The following INO80B variants were observed in gnomAD, a reference collection of about 807,000 sequenced individuals.
The protein encoded by INO80B is IES2 homolog.
A neutral mutation model predicts 31.4 loss-of-function variants in INO80B; 18 were observed. That is an observed-to-expected ratio of 0.57 (90% confidence interval 0.40 to 0.85). The LOEUF (loss-of-function observed/expected upper bound fraction) is 0.85. INO80B is among the 40% of genes least tolerant of loss of function. INO80B has a pLI of 0.00. For missense variants in INO80B, 469 were observed against 475.4 expected, an observed-to-expected ratio of 0.99 and a Z score of 0.13; for synonymous variants, 238 against 199.0, an observed-to-expected ratio of 1.20 and a Z score of -1.65.
intron 4 of INO80B, 64 bp downstream of exon 4, chr2:74,456,336 C>T (rs1671699533): frequency 6.4e-7 from 1 of 1,561,700 alleles, no homozygotes; most frequent in Non-Finnish European, 8.8e-7. Flanking sequence ...CTCCACGACC[C>T]ACGCACTTTG....
At chr2:74,455,381 C>G in intron 1 of INO80B, 25 bp from the exon 2 acceptor site, 1 of 1,614,070 alleles carries the variant, frequency 6.2e-7, no homozygotes, top group Non-Finnish European at 8.5e-7. Context: ...CGGCCAAACA[C>G]TGTCGACAGG....
Position 74,457,685 on chromosome 2 carries a change from C to T in INO80B, c.892C>T (p.Gln298Ter). The stretch of plus-strand genomic sequence containing the variant: ...CGTCCCCGCCCCCACGGCAGTGTCT[C>T]AGCGGCCATCCCCCTCAGGCCCGCC... ...PGVPAPTAVS[Q>*]RPSPSGPPPR... is the part of the protein sequence containing the mutation. The change falls in exon 5 of 5, where the codon CAG (glutamine) becomes TAG (stop). Residue 298 changes from glutamine to a stop codon, truncating the protein, a stop_gained. Transcript: ENST00000233331. LOFTEE classifies it high-confidence loss of function. 1 of 1,599,746 alleles carries T rather than the reference C, an allele frequency of 6.3e-7. No individual in the cohort carries two copies. Among genetic ancestry groups the T allele is most frequent in the Non-Finnish European group, 8.5e-7 (1 of 1,178,894 alleles).
chr2:74,457,279 C>T (rs1221514294), intron 4 of INO80B, 55 bp from the exon 5 acceptor site: 7 of 1,543,284 alleles, frequency 4.5e-6, no homozygotes, highest in African/African-American at 2.8e-5. Context: ...TGGCCGACCT[C>T]GCCTCTCCAT....
rs1215346013 is a variant in INO80B, at chr2:74,456,163, A to T, written c.431A>T (p.Gln144Leu). 1 of 1,613,154 alleles carries T rather than the reference A, an allele frequency of 6.2e-7. No individual in the cohort carries two copies. The highest frequency in any genetic ancestry group is 8.5e-7 in the Non-Finnish European group (1 of 1,179,428). ...GACCTATCAGGAGGGTTAGGGGGTC[A>T]GGAGGAAGAGGAGGAACAGAGGTGG... ...LRDLSGGLGGQEEEEEQRWLD... is the reference protein window; with the variant it reads ...LRDLSGGLGGLEEEEEQRWLD... Residue 144 changes from glutamine to leucine, a missense_variant, in exon 4 of 5, where the codon CAG (glutamine) becomes CTG (leucine). Gln to Leu is a moderately radical substitution (Grantham distance 113). Coordinates refer to ENST00000233331, the MANE Select transcript of INO80B (RefSeq NM_031288.4).
intron 1 of INO80B, 97 bp from the exon 2 acceptor site, chr2:74,455,309 A>G: frequency 1.3e-6 from 2 of 1,539,430 alleles, no homozygotes; most frequent in East Asian, 2.2e-5. Context: ...AACAGCGAGT[A>G]CTGCGGGAAG....
In INO80B at chr2:74,456,211, A is replaced by T. The variant is rs1671693282; in HGVS notation, c.479A>T (p.Glu160Val). Residue 160 changes from glutamate (E) to valine (V), a missense_variant, in exon 4 of 5, where the codon GAG becomes GTG. Glu to Val is a moderately radical substitution (Grantham distance 121). Around this residue, in one of 3 missense-constraint regions of INO80B, gnomAD observed 223 missense variants for 253.4 expected, o/e 0.88. Transcript: ENST00000233331. ...TGGCTGGATGCCCTGGAGAAGGGGGAGCTGGATGACAATGGAGACCTCAAG... is the reference window on the plus strand; with the variant it reads ...TGGCTGGATGCCCTGGAGAAGGGGGTGCTGGATGACAATGGAGACCTCAAG... Reference protein sequence around the residue: ...QRWLDALEKGELDDNGDLKKE... With the variant: ...QRWLDALEKGVLDDNGDLKKE... 6.8e-6 allele frequency: 11 copies of T among 1,613,826 alleles called. No homozygotes were observed. Among genetic ancestry groups the T allele is most frequent in the Non-Finnish European group, 9.3e-6 (11 of 1,179,982 alleles).
chr2:74,455,310 C>T, intron 1 of INO80B, 96 bp from the exon 2 acceptor site: 4 of 1,545,712 alleles, frequency 2.6e-6, no homozygotes, highest in Middle Eastern at 3.4e-4. Context: ...ACAGCGAGTA[C>T]TGCGGGAAGG....
At chr2:74,456,342 C>T (rs757974975) in intron 4 of INO80B, 70 bp downstream of exon 4, 1 of 1,494,572 alleles carries the variant, frequency 6.7e-7, no homozygotes. Flanking sequence ...GACCCACGCA[C>T]TTTGCGTGGC....
Position 74,457,318 on chromosome 2 carries a change from C to A in INO80B, c.541-16C>A. ...CCTCCATTTTCAGACAGCACCCCGT[C>A]TCTGTCTCTCCCTAGCGAGCTCTGC... On this transcript the variant is annotated splice_polypyrimidine_tract_variant and intron_variant, in intron 4 of 4. Coordinates refer to ENST00000233331, the MANE Select transcript of INO80B (RefSeq NM_031288.4). 1 of 1,598,660 alleles carries A rather than the reference C, an allele frequency of 6.3e-7. No homozygotes were observed. Among genetic ancestry groups the A allele is most frequent in the Non-Finnish European group, 8.5e-7 (1 of 1,173,420 alleles).
rs1389291789 is a variant in INO80B at position 74,457,560 on chromosome 2, G to A, written c.767G>A (p.Gly256Asp). Reference protein sequence around the residue: ...AATSGRGGRGGARGERRGGRA... With the variant: ...AATSGRGGRGDARGERRGGRA... The stretch of plus-strand genomic sequence containing the variant: ...ACCAGTGGGCGGGGAGGCCGGGGGG[G>A]CGCACGGGGCGAGCGGCGGGGAGGG... The change falls in exon 5 of 5, where the codon GGC becomes GAC. Residue 256 changes from glycine to aspartate, a missense_variant. Coordinates refer to ENST00000233331, the MANE Select transcript of INO80B (RefSeq NM_031288.4). The A allele has an allele frequency of 1.3e-6, 2 of 1,516,826 alleles. No homozygotes were observed. Among genetic ancestry groups the A allele is most frequent in the Non-Finnish European group, 1.8e-6 (2 of 1,136,816 alleles). 94.0% of individuals were successfully genotyped at this position (1,516,826 alleles called of 1,614,324 possible).
rs1460064631 is a variant in INO80B, at chr2:74,455,095, T to A, written c.-22T>A. Reference sequence around the variant, plus strand: ...CTGCGTGTGTCCCAACCATTTCTAGTCCCCTTTCCTCGCAGGACCTCATGA... The same window carrying A: ...CTGCGTGTGTCCCAACCATTTCTAGACCCCTTTCCTCGCAGGACCTCATGA... On this transcript the variant is annotated 5_prime_UTR_variant, in exon 1 of 5. Coordinates refer to ENST00000233331, the MANE Select transcript of INO80B (RefSeq NM_031288.4). 1.2e-6 allele frequency: 2 copies of A among 1,613,698 alleles called. No individual in the cohort carries two copies. The highest frequency in any genetic ancestry group is 4.5e-5 in the East Asian group (2 of 44,880).
At position 74,457,790 on chromosome 2, in the gene INO80B, C is replaced by A. The variant is rs770897399; in HGVS notation, c.997C>A (p.Gln333Lys). 2 of 1,595,470 alleles carry A rather than the reference C, an allele frequency of 1.3e-6. No homozygotes were observed. The highest frequency in any genetic ancestry group is 3.4e-5 in the Admixed American group (2 of 59,594). The part of the protein sequence containing the change: ...SRTGQALCSL[Q>K]CYRINLQMRL... Reference sequence around the variant, plus strand: ...CACAGGCCAGGCACTCTGTAGTCTTCAGTGCTACCGCATCAACCTGCAGAT... The same window carrying A: ...CACAGGCCAGGCACTCTGTAGTCTTAAGTGCTACCGCATCAACCTGCAGAT... The change falls in exon 5 of 5, where the codon CAG (glutamine) becomes AAG (lysine). Residue 333 changes from glutamine (Q) to lysine (K), a missense_variant. Physicochemically the swap from Gln to Lys is moderately conservative, Grantham distance 53. Coordinates refer to ENST00000233331, the MANE Select transcript of INO80B (RefSeq NM_031288.4).
rs756714307 is a variant in INO80B at position 74,455,606 on chromosome 2, C to G, written c.251+8C>G. ...AGTCCTGGGGACCAAGAGGTGAGGC[C>G]AAGAGGGTCATAGTTTTATAAGGGG... On this transcript the variant is annotated splice_region_variant and intron_variant, in intron 2 of 4. Coordinates refer to ENST00000233331, the MANE Select transcript of INO80B (RefSeq NM_031288.4). 8.1e-6 allele frequency: 13 copies of G among 1,599,660 alleles called. No individual in the cohort carries two copies. Among genetic ancestry groups the G allele is most frequent in the Non-Finnish European group, 1.1e-5 (13 of 1,174,914 alleles).
In INO80B at chr2:74,455,948, G is replaced by A; in HGVS notation, c.370+12G>A. On this transcript the variant is annotated intron_variant, in intron 3 of 4. Transcript: ENST00000233331. ...CCGTGCCTGGCTGGGTGAGGATCTG[G>A]AGGTGGGGAAACTGGGTTTCTTATT... The A allele has an allele frequency of 6.3e-7, 1 of 1,589,896 alleles. No individual in the cohort carries two copies. The highest frequency in any genetic ancestry group is 8.6e-7 in the Non-Finnish European group (1 of 1,157,978).
Position 74,457,605 on chromosome 2 carries a change from C to T in INO80B, c.812C>T (p.Pro271Leu), listed in dbSNP as rs758996477. The T allele has an allele frequency of 5.1e-6, 8 of 1,558,768 alleles. No homozygotes were observed. The highest frequency in any genetic ancestry group is 2.1e-4 in the Middle Eastern group (1 of 4,836). The change falls in exon 5 of 5, where the codon CCC becomes CTC. Residue 271 changes from proline (P) to leucine (L), a missense_variant. Physicochemically the swap from Pro to Leu is moderately conservative, Grantham distance 98 (BLOSUM62 -3). Around this residue, in one of 3 missense-constraint regions of INO80B, gnomAD observed 201 missense variants for 151.7 expected, o/e 1.32. Coordinates refer to ENST00000233331, the MANE Select transcript of INO80B (RefSeq NM_031288.4). ...RRGGRAAAPA[P>L]MVRYCSGAQG... is the part of the protein sequence containing the mutation. Reference sequence around the variant, plus strand: ...GGAGGGCGGGCTGCGGCTCCGGCCCCCATGGTGCGCTACTGCAGCGGAGCA... The same window carrying T: ...GGAGGGCGGGCTGCGGCTCCGGCCCTCATGGTGCGCTACTGCAGCGGAGCA...
rs1304995261 is a variant in INO80B at position 74,457,857 on chromosome 2, C to T, written c.1064C>T (p.Ala355Val). ...GAGGGTCCTGGATCCCCCCTTTTGG[C>T]TACGTAAGGCCCTTAACCCGGACTC... ...GPEGPGSPLL[A>V]T The change falls in exon 5 of 5, where the codon GCT becomes GTT. Residue 355 changes from alanine to valine, a missense_variant. Ala to Val is a moderately conservative substitution (Grantham distance 64). Transcript: ENST00000233331. 4 of 1,553,478 alleles carry T rather than the reference C, an allele frequency of 2.6e-6. No individual in the cohort carries two copies. Among genetic ancestry groups the T allele is most frequent in the Non-Finnish European group, 3.5e-6 (4 of 1,156,232 alleles).
At position 74,456,242 on chromosome 2, in the gene INO80B, G is replaced by A. The variant is rs769100228; in HGVS notation, c.510G>A (p.Glu170=). The change falls in exon 4 of 5, where the codon GAG becomes GAA. Residue 170 remains glutamate (E), a synonymous_variant. Coordinates refer to ENST00000233331, the MANE Select transcript of INO80B (RefSeq NM_031288.4). ...ELDDNGDLKK[E]INERLLTARQ... ...ATGACAATGGAGACCTCAAGAAGGAGATCAATGAGCGGCTGCTTACTGCTC... is the reference window on the plus strand; with the variant it reads ...ATGACAATGGAGACCTCAAGAAGGAAATCAATGAGCGGCTGCTTACTGCTC... The A allele has an allele frequency of 1.9e-5, 30 of 1,614,066 alleles. No homozygotes were observed. The highest frequency in any genetic ancestry group is 2.5e-5 in the Non-Finnish European group (30 of 1,180,048).
At position 74,457,801 on chromosome 2, in the gene INO80B, C is replaced by T. The variant is rs1222770985; in HGVS notation, c.1008C>T (p.Arg336=). 6.3e-7 allele frequency: 1 copy of T among 1,592,098 alleles called. No individual in the cohort carries two copies. Among genetic ancestry groups the T allele is most frequent in the South Asian group, 1.1e-5 (1 of 90,320 alleles). The change falls in exon 5 of 5, where the codon CGC becomes CGT. Residue 336 remains arginine, a synonymous_variant. Coordinates refer to ENST00000233331, the MANE Select transcript of INO80B (RefSeq NM_031288.4). ...CACTCTGTAGTCTTCAGTGCTACCG[C>T]ATCAACCTGCAGATGCGGCTGGGGG... ...GQALCSLQCY[R]INLQMRLGGP...
At position 74,457,721 on chromosome 2, in the gene INO80B, T is replaced by TCTGTCCCCGG. The variant is rs1398103614; in HGVS notation, c.937_946dup (p.His316ArgfsTer19). ...CCCCTCAGGCCCGCCGCCGCGCTGC[T>TCTGTCCCCGG]CTGTCCCCGGCTGTCCCCATCCGCG... is the stretch of plus-strand genomic sequence containing the variant. On this transcript the variant is annotated frameshift_variant, in exon 5 of 5. Coordinates refer to ENST00000233331, the MANE Select transcript of INO80B (RefSeq NM_031288.4). LOFTEE classifies it high-confidence loss of function. The TCTGTCCCCGG allele has an allele frequency of 6.2e-6, 10 of 1,600,330 alleles. No homozygotes were observed. The highest frequency in any genetic ancestry group is 3.3e-5 in the Admixed American group (2 of 59,954).
Sources: allele counts gnomAD v4.1 joint callset, GRCh38; gene constraint gnomAD v4.1.1; regional missense constraint gnomAD v4.1.1; transcripts MANE v1.5; gene names NCBI Gene and HGNC (gene_info 2026-07-23, HGNC 2026-07-21).